Variants in CSMD1 observed in about 807,000 individuals in gnomAD.
The protein encoded by CSMD1 is CUB and Sushi multiple domains 1.
In CSMD1, 213 loss-of-function variants were observed where a neutral mutation model predicts 417.5. The observed-to-expected ratio is 0.51, with a 90% CI of 0.46 to 0.57. The LOEUF (loss-of-function observed/expected upper bound fraction) is 0.57, where lower values mean the gene tolerates loss of function less well. Among genes scored for constraint, CSMD1 ranks in the 20% least tolerant of loss-of-function variants. The probability of loss-of-function intolerance (pLI) is 0.00; values close to 1 mark genes in which losing one functional copy is unlikely to be tolerated. For synonymous variants in CSMD1, 2,862 were observed against 1,736.8 expected, an observed-to-expected ratio of 1.65 and a Z score of -16.11; for missense variants, 6,923 against 4,529.7, an observed-to-expected ratio of 1.53 and a Z score of -15.17.
At chr8:4,281,472 A>G (rs1333385911) in intron 3 of CSMD1, among the ~76,000 whole-genome samples, 2 of 152,230 alleles carry the variant, frequency 1.3e-5, no homozygotes, top group African/African-American at 4.8e-5. Flanking sequence ...GGCACACTCC[A>G]ACCTTCTGTT....
Position 4,025,659 on chromosome 8 carries a change from C to A in CSMD1, c.610+6246G>T, listed in dbSNP as rs570065061. Among the ~76,000 whole-genome samples the A allele has an allele frequency of 3.3e-5, 5 of 152,178 alleles. No individual in the cohort carries two copies. The East Asian group carries it at 9.7e-4, about 30-fold the overall frequency. On this transcript the variant is annotated intron_variant, in intron 4 of 69. Coordinates refer to ENST00000635120, the MANE Select transcript of CSMD1 (RefSeq NM_033225.6). ...TGAATAAGGTGAATTAAGAAAGACACAGATCTTAAGTTGAAAGACTCAAGA... is the reference window on the plus strand; with the variant it reads ...TGAATAAGGTGAATTAAGAAAGACAAAGATCTTAAGTTGAAAGACTCAAGA...
At position 4,337,747 on chromosome 8, in the gene CSMD1, G is replaced by A. The variant is rs986853902; in HGVS notation, c.415+82206C>T. ...GCCATTGACATAGAATGGATTAGTA[G>A]TACAGCCTTTACATTGGGCTGGAGT... On this transcript the variant is annotated intron_variant, in intron 3 of 69. Transcript: ENST00000635120. 3.3e-5 allele frequency among the ~76,000 whole-genome samples: 5 copies of A among 152,234 alleles called. No homozygotes were observed. In the East Asian group the frequency reaches 7.7e-4, roughly 24 times the overall value.
chr8:3,096,834 A>T lies in CSMD1; in HGVS notation c.7138+15T>A. 1 of 1,526,056 alleles carries T rather than the reference A, an allele frequency of 6.6e-7. No individual in the cohort carries two copies. Among genetic ancestry groups the T allele is most frequent in the Non-Finnish European group, 8.9e-7 (1 of 1,128,806 alleles). The allele number at this position is 1,526,056 out of a possible 1,614,324, so 94.5% of individuals were successfully genotyped here. On this transcript the variant is annotated intron_variant, in intron 47 of 69. Transcript: ENST00000635120. ...ATGCCGAGGTCACTGCTCTACAAAG[A>T]TTAAAGAAACTTACCATCAAACACT...
intron 2 of CSMD1, among the ~76,000 whole-genome samples, chr8:4,580,935 A>C (rs1424959639): frequency 1.3e-5 from 2 of 152,220 alleles, no homozygotes; most frequent in Non-Finnish European, 2.9e-5. Context: ...GCACATTTTT[A>C]CATCACTTTT....
At chr8:4,625,576 C>T (rs1393812100) in intron 2 of CSMD1, among the ~76,000 whole-genome samples, 1 of 152,010 alleles carries the variant, frequency 6.6e-6, no homozygotes, top group African/African-American at 2.4e-5. Context: ...CCCTGGCTCT[C>T]CTGTATACAC....
At chr8:4,175,174 A>T (rs1328431754) in intron 3 of CSMD1, among the ~76,000 whole-genome samples, 1 of 152,052 alleles carries the variant, frequency 6.6e-6, no homozygotes, top group Non-Finnish European at 1.5e-5. Context: ...TTGAAAAGTG[A>T]TTTTTAATTA....
At chr8:4,692,403 G>A (rs768922128) in intron 1 of CSMD1, among the ~76,000 whole-genome samples, 9 of 152,146 alleles carry the variant, frequency 5.9e-5, no homozygotes, top group Admixed American at 2.6e-4. Context: ...CACATATCCC[G>A]GTTGCTTTTC....
rs892425809 is a variant in CSMD1 at position 4,382,410 on chromosome 8, G to A, written c.415+37543C>T. Among the ~76,000 whole-genome samples the A allele has an allele frequency of 5.9e-5, 9 of 152,168 alleles. No homozygotes were observed. The South Asian group carries it at 8.3e-4, about 14-fold the overall frequency. ...GAGGAGCGCATGGTCAATGAATGAA[G>A]CAAATTAGCTGTCCTATTGTAGTAT... On this transcript the variant is annotated intron_variant, in intron 3 of 69. Coordinates refer to ENST00000635120, the MANE Select transcript of CSMD1 (RefSeq NM_033225.6).
At chr8:3,513,236 C>G (rs1009292125) in intron 10 of CSMD1, among the ~76,000 whole-genome samples, 1 of 152,008 alleles carries the variant, frequency 6.6e-6, no homozygotes, top group African/African-American at 2.4e-5. Context: ...AATAAATCCC[C>G]TAGTTTTCCC....
intron 3 of CSMD1, among the ~76,000 whole-genome samples, chr8:4,377,743 C>A (rs1267217193): frequency 6.6e-6 from 1 of 152,164 alleles, no homozygotes; most frequent in East Asian, 1.9e-4. Context: ...CTGCCCATAA[C>A]AACTATTAGG....
intron 1 of CSMD1, among the ~76,000 whole-genome samples, chr8:4,939,336 T>G (rs1807828558): frequency 6.6e-6 from 1 of 152,182 alleles, no homozygotes; most frequent in South Asian, 2.1e-4. Context: ...GTCGAGGCGG[T>G]ATCTGCAAGC....
At chr8:3,041,372 C>G (rs1384136019) in intron 50 of CSMD1, among the ~76,000 whole-genome samples, 1 of 152,018 alleles carries the variant, frequency 6.6e-6, no homozygotes, top group Non-Finnish European at 1.5e-5. Context: ...GTTCTCTGAT[C>G]CCAAACATAA....
rs35647287 is a variant in CSMD1, at chr8:4,520,546, C to G, written c.303-100481G>C. 4.7e-3 allele frequency among the ~76,000 whole-genome samples: 718 copies of G among 152,134 alleles called. 2 individuals are homozygous for G. The highest frequency in any genetic ancestry group is 7.6e-3 in the Admixed American group (116 of 15,264). ...GATAGGTGTCTTAGAAGCCAGAAAA[C>G]CTCCCCATTTTTAAACAGATAATCA... On this transcript the variant is annotated intron_variant, in intron 2 of 69. Coordinates refer to ENST00000635120, the MANE Select transcript of CSMD1 (RefSeq NM_033225.6).
At chr8:3,862,476 G>A (rs990625266) in intron 5 of CSMD1, among the ~76,000 whole-genome samples, 2 of 151,910 alleles carry the variant, frequency 1.3e-5, no homozygotes, top group African/African-American at 4.8e-5. Context: ...TGAGCCTTTC[G>A]CCAGAACTCA....
At chr8:4,696,661 ATTG>A (rs1807152876) in intron 1 of CSMD1, among the ~76,000 whole-genome samples, 2 of 152,252 alleles carry the variant, frequency 1.3e-5, no homozygotes, top group East Asian at 1.9e-4. Flanking sequence ...TTTCTCTTTT[ATTG>A]TTGTCTTTAT....
At chr8:3,818,764 C>A (rs1563111406) in intron 5 of CSMD1, among the ~76,000 whole-genome samples, 3 of 152,182 alleles carry the variant, frequency 2.0e-5, no homozygotes, top group South Asian at 2.1e-4. Flanking sequence ...TGTTAAAACA[C>A]ACCTGGCATA....
At chr8:3,798,512 G>C (rs1342221918) in intron 5 of CSMD1, among the ~76,000 whole-genome samples, 4 of 152,076 alleles carry the variant, frequency 2.6e-5, no homozygotes, top group Non-Finnish European at 5.9e-5. Context: ...AGGTGAGAAA[G>C]AAGAGGAAAG....
At chr8:4,788,102 T>C in intron 1 of CSMD1, 3 of 1,603,628 alleles carry the variant, frequency 1.9e-6, no homozygotes, top group South Asian at 2.2e-5. Flanking sequence ...AATCAGAAAG[T>C]CAGTGCAGGG....
In CSMD1 at chr8:2,962,674, A is replaced by G. The variant is rs1455246302; in HGVS notation, c.9455-35T>C. The G allele has an allele frequency of 3.1e-6, 5 of 1,600,026 alleles. No individual in the cohort carries two copies. The East Asian group carries it at 6.7e-5, about 22-fold the overall frequency. ...ATAACCAGGAAGAAGTCAGCCTTCA[A>G]CGTCCCTGGATCAGCTTCACCAATT... On this transcript the variant is annotated intron_variant, in intron 60 of 69. Coordinates refer to ENST00000635120, the MANE Select transcript of CSMD1 (RefSeq NM_033225.6).
Sources: gnomAD v4.1 joint callset for allele counts (sites outside exome capture counted in the v4.1 genomes callset) on GRCh38, gnomAD v4.1.1 for gene constraint, MANE v1.5 for transcripts, NCBI Gene and HGNC (gene_info 2026-07-23, HGNC 2026-07-21) for gene names.